TBL1XR1: variants seen among roughly 807,000 people sequenced by gnomAD.
The protein encoded by TBL1XR1 is F-box-like/WD repeat-containing protein TBL1XR1.
TBL1XR1 carries 5 observed loss-of-function variants against 66.9 expected under a neutral mutation model. That is an observed-to-expected ratio of 0.07 (90% CI 0.04 to 0.16). The LOEUF is 0.16. TBL1XR1 is among the 10% of genes least tolerant of loss of function. TBL1XR1 has a pLI of 1.00. For synonymous variants in TBL1XR1, 210 were observed against 206.0 expected, an observed-to-expected ratio of 1.02 and a Z score of -0.17; for missense variants, 238 against 623.2, an observed-to-expected ratio of 0.38 and a Z score of 6.58.
chr3:177,051,781 T>C, intron 4 of TBL1XR1, 55 bp from the exon 5 acceptor site: 1 of 1,409,212 alleles, frequency 7.1e-7, no homozygotes, highest in Non-Finnish European at 9.3e-7. Flanking sequence ...TTAAAGTTAT[T>C]TGTATTTATA....
Position 177,021,738 on chromosome 3 carries a change from C to G in TBL1XR1, c.*3760G>C, listed in dbSNP as rs1388461959. ...TTGCTGCTATTCCACAAAATGTTGG[C>G]ATTTGCTGCCATGCCACAATGTTGG... On this transcript the variant is annotated 3_prime_UTR_variant, in exon 16 of 16. Transcript: ENST00000457928. The G allele has an allele frequency of 6.6e-6, 1 of 152,562 alleles. No homozygotes were observed. Among genetic ancestry groups the G allele is most frequent in the Non-Finnish European group, 1.5e-5 (1 of 67,980 alleles). The allele number at this position is 152,562 out of a possible 1,614,324, so 9.5% of individuals were successfully genotyped here. A position where few individuals can be genotyped will look rare whatever the true frequency, so the allele number is the denominator to read the frequency against.
At chr3:177,076,874 C>T (rs1720766174) in intron 2 of TBL1XR1, among the ~76,000 whole-genome samples, 1 of 152,254 alleles carries the variant, frequency 6.6e-6, no homozygotes. Flanking sequence ...ATCCCAGCAA[C>T]TTGGACCTTG....
chr3:177,133,699 C>T (rs548447169), intron 1 of TBL1XR1, among the ~76,000 whole-genome samples: 1 of 151,692 alleles, frequency 6.6e-6, no homozygotes, highest in South Asian at 2.1e-4. Flanking sequence ...GTCAGGAGTT[C>T]GAGACCAGCC....
chr3:177,153,378 T>C (rs916188196), intron 1 of TBL1XR1, among the ~76,000 whole-genome samples: 4 of 152,160 alleles, frequency 2.6e-5, no homozygotes, highest in Non-Finnish European at 5.9e-5. Flanking sequence ...GTGCCCAAAC[T>C]AGTAAATACG....
intron 1 of TBL1XR1, among the ~76,000 whole-genome samples, chr3:177,188,613 GTTT>G (rs771799750): frequency 7.9e-5 from 12 of 152,046 alleles, no homozygotes; most frequent in Non-Finnish European, 1.5e-4. Flanking sequence ...CCAGAGTTTT[GTTT>G]TTTTAAATTC....
intron 1 of TBL1XR1, among the ~76,000 whole-genome samples, chr3:177,142,365 G>A (rs1425303520): frequency 5.3e-5 from 8 of 152,128 alleles, no homozygotes; most frequent in East Asian, 1.9e-4. Context: ...TTAATTACAC[G>A]CAAACTAAGG....
At chr3:177,164,311 C>T (rs1373048569) in intron 1 of TBL1XR1, among the ~76,000 whole-genome samples, 3 of 151,770 alleles carry the variant, frequency 2.0e-5, no homozygotes, top group African/African-American at 4.8e-5. Context: ...ATTGTTAAAA[C>T]TTGGAATGGC....
Position 177,050,120 on chromosome 3 carries a change from T to C in TBL1XR1, c.579A>G (p.Ala193=). 1 of 1,613,514 alleles carries C rather than the reference T, an allele frequency of 6.2e-7. No individual in the cohort carries two copies. The part of the protein sequence containing the change: ...LLASGSGDST[A]RIWNLSENST... Reference sequence around the variant, plus strand: ...TGTTCTCACTAAGATTCCATATTCTTGCTGTTGAGTCTCCAGACCTATAAA... The same window carrying C: ...TGTTCTCACTAAGATTCCATATTCTCGCTGTTGAGTCTCCAGACCTATAAA... Residue 193 remains alanine, a synonymous_variant, in exon 7 of 16, where the codon GCA becomes GCG. Transcript: ENST00000457928.
At position 177,197,236 on chromosome 3, in the gene TBL1XR1, G is replaced by C. The variant is rs919340429; in HGVS notation, c.-237C>G. The C allele has an allele frequency of 6.6e-5, 10 of 152,146 alleles. No homozygotes were observed. Among genetic ancestry groups the C allele is most frequent in the Non-Finnish European group, 1.0e-4 (7 of 67,800 alleles). The allele number at this position is 152,146 out of a possible 1,614,324, so 9.4% of individuals were successfully genotyped here. A position where few individuals can be genotyped will look rare whatever the true frequency, so the allele number is the denominator to read the frequency against. On this transcript the variant is annotated 5_prime_UTR_variant, in exon 1 of 16. Coordinates refer to ENST00000457928, the MANE Select transcript of TBL1XR1 (RefSeq NM_024665.7). ...AACCACCCCCAAAATAACCCCTCCG[G>C]GGGGTGAGAGGCAATTATAACCCCA...
upstream of TBL1XR1, among the ~76,000 whole-genome samples, chr3:177,197,885 G>C (rs534454209): frequency 2.1e-3 from 314 of 149,080 alleles, no homozygotes; most frequent in Non-Finnish European, 3.5e-3. Flanking sequence ...GCCTGGGTGT[G>C]CTCGGGTGTG....
chr3:177,105,469 G>C (rs1461099291), intron 1 of TBL1XR1, among the ~76,000 whole-genome samples: 1 of 152,188 alleles, frequency 6.6e-6, no homozygotes, highest in African/African-American at 2.4e-5. Flanking sequence ...TGGCACTTAA[G>C]TTAGAAAAGA....
intron 2 of TBL1XR1, among the ~76,000 whole-genome samples, chr3:177,073,908 T>C (rs1193995221): frequency 6.6e-6 from 1 of 152,182 alleles, no homozygotes; most frequent in African/African-American, 2.4e-5. Flanking sequence ...TGCAATCCCT[T>C]TCCTTCTAAC....
intron 12 of TBL1XR1, chr3:177,037,505 G>A (rs534035609): frequency 7.1e-5 from 10 of 140,870 alleles, no homozygotes; most frequent in African/African-American, 2.4e-4. Flanking sequence ...TCCCCAATGG[G>A]CGGCGGGGGG....
At chr3:177,086,036 G>C (rs1352158640) in intron 2 of TBL1XR1, among the ~76,000 whole-genome samples, 1 of 151,810 alleles carries the variant, frequency 6.6e-6, no homozygotes, top group Non-Finnish European at 1.5e-5. Flanking sequence ...AACTTACTTA[G>C]CTTTGTAACA....
chr3:177,152,545 A>G (rs919577601), intron 1 of TBL1XR1, among the ~76,000 whole-genome samples: 3 of 152,108 alleles, frequency 2.0e-5, no homozygotes, highest in Non-Finnish European at 4.4e-5. Flanking sequence ...TCGGCCTCCC[A>G]AAATGCTGGG....
intron 1 of TBL1XR1, among the ~76,000 whole-genome samples, chr3:177,133,876 C>CAAAAAAAAG (rs769500381): frequency 1.9e-5 from 2 of 105,748 alleles, no homozygotes; most frequent in Non-Finnish European, 3.8e-5. Flanking sequence ...ACTCCTATCT[C>CAAAAAAAAG]AAAAAAAAAA....
chr3:177,199,029 C>T (rs906218637), upstream of TBL1XR1, among the ~76,000 whole-genome samples: 7 of 152,104 alleles, frequency 4.6e-5, no homozygotes, highest in African/African-American at 1.7e-4. Flanking sequence ...GGGGAGCTGC[C>T]AGAGGCCTTT....
chr3:177,182,004 T>A (rs531588722), intron 1 of TBL1XR1, among the ~76,000 whole-genome samples: 1 of 151,842 alleles, frequency 6.6e-6, no homozygotes, highest in Admixed American at 6.6e-5. Context: ...CCCTAGCAAG[T>A]TCTACACTGT....
chr3:177,134,252 T>A (rs539569946), intron 1 of TBL1XR1, among the ~76,000 whole-genome samples: 1 of 152,308 alleles, frequency 6.6e-6, no homozygotes, highest in East Asian at 1.9e-4. Context: ...CTAGACTGAT[T>A]CTGTTGCTTG....
Sources: allele counts gnomAD v4.1 joint callset (sites outside exome capture counted in the v4.1 genomes callset), GRCh38; gene constraint gnomAD v4.1.1; transcripts MANE v1.5; gene names NCBI Gene and HGNC (gene_info 2026-07-23, HGNC 2026-07-21).